Variants in TBC1D1 observed in about 807,000 individuals in gnomAD.
TBC1D1 encodes TBC1 domain family member 1.
In TBC1D1, 89 loss-of-function variants were observed where a neutral mutation model predicts 125.6. The observed-to-expected ratio is 0.71, with a 90% CI of 0.60 to 0.85. The LOEUF is 0.85. TBC1D1 is among the 40% of genes least tolerant of loss of function. The pLI is 0.00. For synonymous variants in TBC1D1, 565 were observed against 564.1 expected (o/e 1.00, Z -0.02); for missense variants, 1,377 against 1,469.2 (o/e 0.94, Z 1.03).
rs564726329 is a variant in TBC1D1 at position 37,932,432 on chromosome 4, G to A, written c.417+29920G>A. Among the ~76,000 whole-genome samples, 18 of 152,242 alleles carry A rather than the reference G, an allele frequency of 1.2e-4. No homozygotes were observed. The South Asian group carries it at 1.9e-3, about 16-fold the overall frequency. On this transcript the variant is annotated intron_variant, in intron 2 of 19. Coordinates refer to ENST00000261439, the MANE Select transcript of TBC1D1 (RefSeq NM_015173.4). ...CATTGATGCTTAGAGAAAATAAATT[G>A]CAAGGCTTTCAGGATGGAAAAAGAC...
At chr4:37,966,581 G>T (rs897328945) in intron 2 of TBC1D1, among the ~76,000 whole-genome samples, 1 of 152,158 alleles carries the variant, frequency 6.6e-6, no homozygotes, top group African/African-American at 2.4e-5. Context: ...GCAGATGGTG[G>T]TTTATTTTAT....
At chr4:38,134,792 C>T (rs867919051) in intron 19 of TBC1D1, among the ~76,000 whole-genome samples, 2 of 152,212 alleles carry the variant, frequency 1.3e-5, no homozygotes, top group Non-Finnish European at 2.9e-5. Flanking sequence ...TACCTACATT[C>T]CTCAATAAAG....
chr4:38,062,430 AGTT>A (rs1752935437), intron 12 of TBC1D1, among the ~76,000 whole-genome samples: 1 of 152,130 alleles, frequency 6.6e-6, no homozygotes, highest in African/African-American at 2.4e-5. Flanking sequence ...GGAAGAAAAA[AGTT>A]GTCTTCAGTT....
At position 38,028,386 on chromosome 4, in the gene TBC1D1, G is replaced by A. The variant is rs548369134; in HGVS notation, c.1302+507G>A. On this transcript the variant is annotated intron_variant, in intron 7 of 19. Transcript: ENST00000261439. ...TCACCATGTTGGTCAGGCTGTTCTC[G>A]AACTCCTGACCTCATGATCTGCCTG... Among the ~76,000 whole-genome samples the A allele has an allele frequency of 8.2e-3, 1,244 of 152,222 alleles. 22 individuals carry two copies. The highest frequency in any genetic ancestry group is 0.012 in the Non-Finnish European group (848 of 68,014).
chr4:37,961,243 A>G (rs547632355), intron 2 of TBC1D1: 16 of 635,290 alleles, frequency 2.5e-5, no homozygotes, highest in Middle Eastern at 9.0e-4. Flanking sequence ...ACTTCTGTAG[A>G]GAAACAGGAG....
chr4:38,001,459 A>G (rs1296171326), intron 2 of TBC1D1, among the ~76,000 whole-genome samples: 5 of 152,216 alleles, frequency 3.3e-5, no homozygotes. Flanking sequence ...GGCCATTGGT[A>G]ACTAATTCAC....
At chr4:38,121,679 A>G (rs1385912629) in intron 17 of TBC1D1, among the ~76,000 whole-genome samples, 1 of 152,142 alleles carries the variant, frequency 6.6e-6, no homozygotes, top group African/African-American at 2.4e-5. Flanking sequence ...CACTTTTCCA[A>G]GGAGAGTTAT....
At position 38,014,932 on chromosome 4, in the gene TBC1D1, C is replaced by A; in HGVS notation, c.841C>A (p.Gln281Lys). The change falls in exon 3 of 20, where the codon CAG (glutamine) becomes AAG (lysine). Residue 281 changes from glutamine to lysine, a missense_variant. Coordinates refer to ENST00000261439, the MANE Select transcript of TBC1D1 (RefSeq NM_015173.4). The surrounding 1 kb of genome is among the most constrained non-coding windows in gnomAD (Gnocchi z 5.1). ...CCTCATTAGCGGACACAATATTGTG[C>A]AGCCCACAGATATCGAGGAAAATCG... The A allele has an allele frequency of 6.4e-7, 1 of 1,572,708 alleles. No individual in the cohort carries two copies. Among genetic ancestry groups the A allele is most frequent in the Non-Finnish European group, 8.7e-7 (1 of 1,155,544 alleles).
intron 15 of TBC1D1, among the ~76,000 whole-genome samples, chr4:38,106,579 AGG>A (rs1397493928): frequency 6.6e-6 from 1 of 152,282 alleles, no homozygotes; most frequent in African/African-American, 2.4e-5. Context: ...GGAGGCTGAA[AGG>A]GAGGAATGCA....
chr4:37,974,468 A>G (rs2152350059), intron 2 of TBC1D1, among the ~76,000 whole-genome samples: 1 of 152,172 alleles, frequency 6.6e-6, no homozygotes, highest in Admixed American at 6.5e-5. Flanking sequence ...CGAACTCCTG[A>G]GCTCAAGTGA....
chr4:38,009,763 T>C (rs112705937), intron 2 of TBC1D1, among the ~76,000 whole-genome samples: 28 of 152,350 alleles, frequency 1.8e-4, no homozygotes, highest in African/African-American at 6.3e-4. Context: ...ACTTTCAAAA[T>C]TGAGTTTTAG....
chr4:38,106,375 C>A (rs559219578), intron 15 of TBC1D1, among the ~76,000 whole-genome samples: 2 of 152,168 alleles, frequency 1.3e-5, no homozygotes, highest in Admixed American at 1.3e-4. Context: ...ACCCTCTGAG[C>A]GCAGGAGGCC....
In TBC1D1 at chr4:38,137,291, G is replaced by C. The variant is rs750345552; in HGVS notation, c.3463G>C (p.Asp1155His). 3.7e-6 allele frequency: 6 copies of C among 1,611,514 alleles called. No individual in the cohort carries two copies. In the South Asian group the frequency reaches 5.5e-5, roughly 15 times the overall value. Residue 1155 changes from aspartate (D) to histidine (H), a missense_variant, in exon 20 of 20, where the codon GAC becomes CAC. By Grantham distance (81) the Asp-to-His change is moderately conservative. This residue lies in a region of TBC1D1 where 543 missense variants were observed against 613.5 expected (regional missense o/e 0.89). Coordinates refer to ENST00000261439, the MANE Select transcript of TBC1D1 (RefSeq NM_015173.4). ...GCGGCGGCGGAGCGCAGAGCCCAGCGACCGGGAGCCTGAGTGCACGCAGCC... is the reference window on the plus strand; with the variant it reads ...GCGGCGGCGGAGCGCAGAGCCCAGCCACCGGGAGCCTGAGTGCACGCAGCC...
rs144452713 is a variant in TBC1D1 at position 38,053,124 on chromosome 4, C to A, written c.1911-1075C>A. The A allele has an allele frequency of 2.5e-4, 385 of 1,519,178 alleles. 2 individuals carry two copies. The East Asian group carries it at 9.3e-3, about 37-fold the overall frequency. 94.1% of individuals were successfully genotyped at this position (1,519,178 alleles called of 1,614,324 possible). A position where few individuals can be genotyped will look rare whatever the true frequency, so the allele number is the denominator to read the frequency against. ...CTCTTAGCATCTCCTACCGTAATGC[C>A]CTGCGGAAAAAACTTCATTCTTCTT... On this transcript the variant is annotated intron_variant, in intron 11 of 19. Transcript: ENST00000261439.
intron 2 of TBC1D1, among the ~76,000 whole-genome samples, chr4:38,008,629 A>T (rs200831880): frequency 7.0e-4 from 106 of 152,320 alleles, no homozygotes; most frequent in East Asian, 4.2e-3. Context: ...CACTTCACCT[A>T]TGCCCAGATG....
chr4:38,077,208 G>A (rs1755749159), intron 12 of TBC1D1, among the ~76,000 whole-genome samples: 1 of 152,214 alleles, frequency 6.6e-6, no homozygotes, highest in Non-Finnish European at 1.5e-5. Context: ...TATACTGAGT[G>A]TGCAGTTGTA....
intron 2 of TBC1D1, among the ~76,000 whole-genome samples, chr4:37,974,756 G>A (rs1337257267): frequency 2.6e-5 from 4 of 151,296 alleles, no homozygotes; most frequent in Admixed American, 6.6e-5. Context: ...ACGAGGTTTC[G>A]CCATGGTGGC....
intron 11 of TBC1D1, 71 bp from the exon 12 acceptor site, chr4:38,051,828 G>A: frequency 6.8e-7 from 1 of 1,468,694 alleles, no homozygotes; most frequent in Non-Finnish European, 9.2e-7. Context: ...CCTTCCACCT[G>A]TTTGCTCCGT....
intron 4 of TBC1D1, among the ~76,000 whole-genome samples, chr4:38,019,481 A>C (rs1021612549): frequency 2.6e-5 from 4 of 152,180 alleles, no homozygotes; most frequent in African/African-American, 4.8e-5. Flanking sequence ...TTACCCATAG[A>C]GTTTTTAATC....
Sources: allele counts gnomAD v4.1 joint callset (sites outside exome capture counted in the v4.1 genomes callset), GRCh38; gene constraint gnomAD v4.1.1; regional missense constraint gnomAD v4.1.1; non-coding constraint Gnocchi (gnomAD v3.1); transcripts MANE v1.5; gene names NCBI Gene and HGNC (gene_info 2026-07-23, HGNC 2026-07-21).